Variants in MILR1 observed in about 807,000 individuals in gnomAD.
MILR1 encodes the protein allergin-1.
A neutral mutation model predicts 18.5 loss-of-function variants in MILR1; 31 were observed. The ratio of observed to expected loss-of-function variants is 1.68; its 90% CI spans 1.26 to 2.26. The LOEUF (loss-of-function observed/expected upper bound fraction) is 2.26. MILR1 is among the 30% of genes most tolerant of loss of function. The pLI is 0.00. For missense variants in MILR1, 257 were observed against 157.4 expected, an observed-to-expected ratio of 1.63 and a Z score of -3.38; for synonymous variants, 85 against 56.2, an observed-to-expected ratio of 1.51 and a Z score of -2.30.
At chr17:64,482,693 T>G in the MILR1 span, among the ~76,000 whole-genome samples, 1 of 152,138 alleles carries the variant, frequency 6.6e-6, no homozygotes, top group African/African-American at 2.4e-5. Context: ...AGAGTAAGGG[T>G]TAGGTTGAGC....
chr17:64,454,874 G>T (rs2037256095), intron 3 of MILR1, among the ~76,000 whole-genome samples: 1 of 152,076 alleles, frequency 6.6e-6, no homozygotes, highest in African/African-American at 2.4e-5. Context: ...GTGGTGGCGT[G>T]CCTATAGTGC....
chr17:64,463,608 G>T (rs911687016), intron 5 of MILR1, among the ~76,000 whole-genome samples: 7 of 152,116 alleles, frequency 4.6e-5, no homozygotes, highest in Non-Finnish European at 5.9e-5. Context: ...CAGGGACTCA[G>T]TTGACATAAA....
chr17:64,489,149 G>A, the MILR1 span, among the ~76,000 whole-genome samples: 3 of 150,614 alleles, frequency 2.0e-5, no homozygotes, highest in African/African-American at 7.3e-5. Flanking sequence ...GGAAGTGCTC[G>A]TCAAGACAAT....
intron 3 of MILR1, among the ~76,000 whole-genome samples, chr17:64,456,661 A>G (rs1252805628): frequency 1.3e-5 from 2 of 152,058 alleles, no homozygotes; most frequent in Non-Finnish European, 2.9e-5. Context: ...ACATTTAAAA[A>G]TTAGCCAGCA....
the MILR1 span, chr17:64,492,654 A>G: frequency 2.7e-6 from 4 of 1,478,882 alleles, no homozygotes; most frequent in African/African-American, 1.4e-5. Flanking sequence ...ATTAAAGGTA[A>G]TTATTGCAGT....
intron 4 of MILR1, among the ~76,000 whole-genome samples, chr17:64,458,912 G>A (rs1443363640): frequency 6.6e-6 from 1 of 152,174 alleles, no homozygotes; most frequent in African/African-American, 2.4e-5. Context: ...CTGTTTATGG[G>A]GGGTGTGGAT....
At chr17:64,478,759 T>C in the MILR1 span, among the ~76,000 whole-genome samples, 1 of 151,830 alleles carries the variant, frequency 6.6e-6, no homozygotes, top group Non-Finnish European at 1.5e-5. Flanking sequence ...TAGCTGGGCG[T>C]GGTGGCAGGC....
the MILR1 span, chr17:64,490,895 G>A: frequency 1.9e-6 from 3 of 1,613,814 alleles, no homozygotes; most frequent in Non-Finnish European, 2.5e-6. Flanking sequence ...GAAAATTGTA[G>A]TAAAGTTTGT....
At chr17:64,486,851 CT>C in the MILR1 span, 1 of 152,098 alleles carries the variant, frequency 6.6e-6, no homozygotes, top group African/African-American at 2.4e-5. Context: ...TGAAAACAAA[CT>C]ACACATAGTA....
intron 8 of MILR1, 47 bp downstream of exon 8, chr17:64,466,709 G>A: frequency 1.3e-6 from 2 of 1,483,706 alleles, no homozygotes; most frequent in Admixed American, 3.8e-5. Flanking sequence ...TGAGACAGGT[G>A]GTCCCTCTGA....
intron 5 of MILR1, among the ~76,000 whole-genome samples, chr17:64,464,515 C>T (rs1470932402): frequency 6.6e-6 from 1 of 152,104 alleles, no homozygotes; most frequent in African/African-American, 2.4e-5. Flanking sequence ...ACTGGGATTA[C>T]AGGCGTGAGC....
chr17:64,466,488 A>C lies in MILR1; in HGVS notation c.900A>C (p.Thr300=), dbSNP rs1555663242. 1.9e-6 allele frequency: 3 copies of C among 1,613,848 alleles called. No individual in the cohort carries two copies. The highest frequency in any genetic ancestry group is 2.5e-6 in the Non-Finnish European group (3 of 1,179,812). Residue 300 remains threonine (T), a synonymous_variant, in exon 7 of 10, where the codon ACA becomes ACC. Transcript: ENST00000619286. Reference sequence around the variant, plus strand: ...TGGGATCCAGGCCGTGTGTTTCCACAGCCCAAGATGGTGAGCATGTTCTGC... The same window carrying C: ...TGGGATCCAGGCCGTGTGTTTCCACCGCCCAAGATGGTGAGCATGTTCTGC... ...PEVGSRPCVS[T]AQDEAKHSQE...
At chr17:64,467,998 C>G (rs909336035) in intron 9 of MILR1, 5 of 299,484 alleles carry the variant, frequency 1.7e-5, no homozygotes, top group African/African-American at 4.5e-5. Flanking sequence ...TTAGCTAGCC[C>G]TCCAGATTTA....
the MILR1 span, among the ~76,000 whole-genome samples, chr17:64,492,496 A>G: frequency 6.6e-6 from 1 of 152,266 alleles, no homozygotes; most frequent in Non-Finnish European, 1.5e-5. Context: ...TTACCAAAGT[A>G]ACTTTGTAAT....
the MILR1 span, among the ~76,000 whole-genome samples, chr17:64,478,146 A>T: frequency 6.6e-6 from 1 of 152,224 alleles, no homozygotes. Context: ...AAGTTTCTGA[A>T]TTGTATTTAA....
the MILR1 span, among the ~76,000 whole-genome samples, chr17:64,476,378 C>G: frequency 6.6e-6 from 1 of 151,910 alleles, no homozygotes; most frequent in Non-Finnish European, 1.5e-5. Flanking sequence ...TGCTATCTGC[C>G]TTGAAATAAT....
the MILR1 span, chr17:64,478,065 C>A: frequency 6.8e-7 from 1 of 1,465,184 alleles, no homozygotes; most frequent in Non-Finnish European, 9.5e-7. Flanking sequence ...AGCTGTAATT[C>A]AGTGTTCATG....
the MILR1 span, among the ~76,000 whole-genome samples, chr17:64,483,540 G>A: frequency 4.7e-5 from 7 of 149,442 alleles, no homozygotes; most frequent in South Asian, 1.3e-3. Flanking sequence ...AAATTAACTT[G>A]AGACCCTCCC....
At chr17:64,497,269 T>C in the MILR1 span, among the ~76,000 whole-genome samples, 2 of 152,260 alleles carry the variant, frequency 1.3e-5, no homozygotes, top group African/African-American at 2.4e-5. Flanking sequence ...TTCCCACCTA[T>C]TTATAACCGT....
Sources: gnomAD v4.1 joint callset for allele counts (sites outside exome capture counted in the v4.1 genomes callset) on GRCh38, gnomAD v4.1.1 for gene constraint, MANE v1.5 for transcripts, NCBI Gene and HGNC (gene_info 2026-07-23, HGNC 2026-07-21) for gene names.